The following FYB2 variants were observed in gnomAD, a reference collection of about 807,000 sequenced individuals.
The protein encoded by FYB2 is FYN binding protein 2, also known as FYN-binding protein 2.
In FYB2, 103 loss-of-function variants were observed where a neutral mutation model predicts 94.1. The ratio of observed to expected loss-of-function variants is 1.09; its 90% CI spans 0.93 to 1.29. The LOEUF (loss-of-function observed/expected upper bound fraction) is 1.29. FYB2 is among the 50% of genes most tolerant of loss of function. FYB2 has a pLI of 0.00. For synonymous variants in FYB2, 293 were observed against 287.9 expected (o/e 1.02, Z -0.18); for missense variants, 896 against 841.5 (o/e 1.06, Z -0.80).
chr1:56,730,938 A>T (rs1644694328), intron 15 of FYB2, among the ~76,000 whole-genome samples: 3 of 152,132 alleles, frequency 2.0e-5, no homozygotes, highest in African/African-American at 7.2e-5. Context: ...ATACACCATG[A>T]TGTAGTGTGA....
At chr1:56,796,312 T>C (rs995723809) in intron 1 of FYB2, among the ~76,000 whole-genome samples, 1 of 152,148 alleles carries the variant, frequency 6.6e-6, no homozygotes, top group Non-Finnish European at 1.5e-5. Flanking sequence ...TGAGGAAAAC[T>C]GCATGAAGAT....
intron 4 of FYB2, among the ~76,000 whole-genome samples, chr1:56,773,369 G>T (rs1377133178): frequency 1.3e-5 from 2 of 152,114 alleles, no homozygotes; most frequent in African/African-American, 4.8e-5. Flanking sequence ...TGTCCACTTG[G>T]TCAAACAGTG....
intron 16 of FYB2, among the ~76,000 whole-genome samples, chr1:56,725,773 G>C (rs1458025772): frequency 6.6e-6 from 1 of 151,962 alleles, no homozygotes; most frequent in Non-Finnish European, 1.5e-5. Context: ...GTTTCCTTTG[G>C]TGCACCCCAG....
chr1:56,720,212 C>T lies in FYB2; in HGVS notation c.2092G>A (p.Glu698Lys), dbSNP rs745529582. The change falls in exon 18 of 20, where the codon GAA becomes AAA. Residue 698 changes from glutamate (E) to lysine (K), a missense_variant. Glu to Lys is a moderately conservative substitution (Grantham distance 56, BLOSUM62 1). Transcript: ENST00000343433. ...TTACGACATATCACTAGATTTTGTT[C>T]GGTGGTATCAATGACTTCCAATTCT... ...GEELEVIDTT[E>K]QNLVICRNSK... 2.7e-5 allele frequency: 44 copies of T among 1,611,146 alleles called. No homozygotes were observed. Among genetic ancestry groups the T allele is most frequent in the Admixed American group, 3.4e-5 (2 of 59,688 alleles).
Position 56,787,179 on chromosome 1 carries a change from C to T in FYB2, c.949G>A (p.Glu317Lys). 1.9e-6 allele frequency: 3 copies of T among 1,613,964 alleles called. No homozygotes were observed. In the South Asian group the frequency reaches 3.3e-5, roughly 18 times the overall value. ...VTVEEGSLSP[E>K]RLFNAEFEEP... ...AACTAAGGAGCATGTACTTACCTCT[C>T]TGGAGACAGGGAGCCCTCTTCCACA... The change falls in exon 4 of 20, where the codon GAG (glutamate) becomes AAG (lysine). Residue 317 changes from glutamate to lysine, a missense_variant. By Grantham distance (56) the Glu-to-Lys change is moderately conservative (BLOSUM62 1). Coordinates refer to ENST00000343433, the MANE Select transcript of FYB2 (RefSeq NM_001004303.5).
chr1:56,738,665 CA>C lies in FYB2; in HGVS notation c.1704-13del, dbSNP rs755883098. On this transcript the variant is annotated splice_polypyrimidine_tract_variant and intron_variant, in intron 13 of 19. Transcript: ENST00000343433. ...AAATGGAAAATGCACTGTTGATTGA[CA>C]AAAGACACAAAAGAGTTAAGGAAAA... is the stretch of plus-strand genomic sequence containing the variant. 8.1e-6 allele frequency: 13 copies of C among 1,608,614 alleles called. No individual in the cohort carries two copies. Among genetic ancestry groups the C allele is most frequent in the African/African-American group, 2.7e-5 (2 of 74,616 alleles).
At chr1:56,787,836 C>T (rs1646166962) in intron 3 of FYB2, among the ~76,000 whole-genome samples, 1 of 152,236 alleles carries the variant, frequency 6.6e-6, no homozygotes, top group South Asian at 2.1e-4. Context: ...ACCTTCTTCT[C>T]ATTCAGAGAG....
intron 5 of FYB2, among the ~76,000 whole-genome samples, chr1:56,759,277 T>G (rs1350119441): frequency 2.0e-5 from 3 of 152,186 alleles, no homozygotes; most frequent in African/African-American, 7.2e-5. Context: ...CCAATCTTAA[T>G]TACAGTCATG....
intron 1 of FYB2, among the ~76,000 whole-genome samples, chr1:56,794,586 C>G (rs1305700757): frequency 6.6e-6 from 1 of 152,116 alleles, no homozygotes. Context: ...GAAAATTGAA[C>G]AAGAAGCATG....
intron 4 of FYB2, among the ~76,000 whole-genome samples, chr1:56,784,008 C>T (rs773793871): frequency 1.3e-5 from 2 of 152,106 alleles, no homozygotes; most frequent in African/African-American, 2.4e-5. Context: ...TTTATTTACC[C>T]TCACCACACT....
At chr1:56,746,436 T>C (rs1462682170) in intron 9 of FYB2, among the ~76,000 whole-genome samples, 4 of 152,020 alleles carry the variant, frequency 2.6e-5, no homozygotes, top group African/African-American at 9.7e-5. Context: ...TGTTTTCTTT[T>C]CTATTTGTTT....
rs540107394 is a variant in FYB2 at position 56,809,823 on chromosome 1, G to A, written c.9+9459C>T. Among the ~76,000 whole-genome samples the A allele has an allele frequency of 5.7e-4, 86 of 152,140 alleles. No individual in the cohort carries two copies. The South Asian group carries it at 0.011, about 19-fold the overall frequency. ...TCTTAAGGTGAAATCCTACCTCTCCGAATTCTGACTCTTTCACCTTTACAA... is the reference window on the plus strand; with the variant it reads ...TCTTAAGGTGAAATCCTACCTCTCCAAATTCTGACTCTTTCACCTTTACAA... On this transcript the variant is annotated intron_variant, in intron 1 of 19. Transcript: ENST00000343433.
At chr1:56,770,808 TAGAAAATTGGACGAAAGTATATTCC>T (rs1195155709) in intron 4 of FYB2, among the ~76,000 whole-genome samples, 1 of 152,062 alleles carries the variant, frequency 6.6e-6, no homozygotes, top group African/African-American at 2.4e-5. Context: ...GACAAACCCA[TAGAAAATTGGACGAAAGTATATTCC>T]AGTCATCACT....
intron 9 of FYB2, among the ~76,000 whole-genome samples, chr1:56,745,860 G>A (rs896502513): frequency 2.0e-5 from 3 of 151,890 alleles, no homozygotes; most frequent in Admixed American, 6.6e-5. Flanking sequence ...CGGTTACTCT[G>A]TTCTAGCCAC....
Position 56,792,561 on chromosome 1 carries a change from C to T in FYB2, c.252G>A (p.Lys84=), listed in dbSNP as rs776280241. The T allele has an allele frequency of 1.2e-6, 2 of 1,614,120 alleles. No individual in the cohort carries two copies. The highest frequency in any genetic ancestry group is 3.3e-5 in the Admixed American group (2 of 60,018). Residue 84 remains lysine, a synonymous_variant, in exon 2 of 20, where the codon AAG becomes AAA. Transcript: ENST00000343433. ...AGTTAGAACATTTTGGAATTTCACT[C>T]TTCTGAGCCAACTTTATTTTCTGAG... is the stretch of plus-strand genomic sequence containing the variant. The part of the protein sequence containing the change: ...LQPQKIKLAQ[K]SEIPKCSNSP...
At chr1:56,757,262 T>G (rs1292835009) in intron 6 of FYB2, among the ~76,000 whole-genome samples, 1 of 152,146 alleles carries the variant, frequency 6.6e-6, no homozygotes, top group Non-Finnish European at 1.5e-5. Flanking sequence ...TAATAGGCTA[T>G]TTCTACTGCC....
intron 1 of FYB2, among the ~76,000 whole-genome samples, chr1:56,808,185 T>C (rs1371238415): frequency 6.6e-6 from 1 of 152,132 alleles, no homozygotes; most frequent in Non-Finnish European, 1.5e-5. Context: ...GAACTCCATT[T>C]TACAGATGAA....
chr1:56,770,911 C>G (rs1023723077), intron 4 of FYB2, among the ~76,000 whole-genome samples: 1 of 152,026 alleles, frequency 6.6e-6, no homozygotes, highest in Non-Finnish European at 1.5e-5. Context: ...AAATGGAAAT[C>G]AAGATAACGA....
In FYB2 at chr1:56,792,307, A is replaced by G; in HGVS notation, c.506T>C (p.Leu169Pro). Residue 169 changes from leucine to proline, a missense_variant, in exon 2 of 20, where the codon CTG becomes CCG. Coordinates refer to ENST00000343433, the MANE Select transcript of FYB2 (RefSeq NM_001004303.5). ...LANYGSKAIH[L>P]EGQKGMGLTP... ...AAGCCCCATGCCTTTTTGCCCTTCC[A>G]GATGGATGGCCTTACTTCCATAGTT... The G allele has an allele frequency of 6.2e-7, 1 of 1,614,048 alleles. No homozygotes were observed. The highest frequency in any genetic ancestry group is 2.2e-5 in the East Asian group (1 of 44,864).
Sources: gnomAD v4.1 joint callset for allele counts (sites outside exome capture counted in the v4.1 genomes callset) on GRCh38, gnomAD v4.1.1 for gene constraint, MANE v1.5 for transcripts, NCBI Gene and HGNC (gene_info 2026-07-23, HGNC 2026-07-21) for gene names.